Variants in XKR9 observed in about 807,000 individuals in gnomAD.
XKR9 encodes XK-related protein 9.
In XKR9, 32 loss-of-function variants were observed where a neutral mutation model predicts 32.0. That is an observed-to-expected ratio of 1.00 (90% CI 0.76 to 1.34). The LOEUF is 1.34. Among genes scored for constraint, XKR9 ranks in the 40% most tolerant of loss-of-function variants. The pLI is 0.00. For synonymous variants in XKR9, 168 were observed against 143.4 expected (o/e 1.17, Z -1.22); for missense variants, 546 against 429.7 (o/e 1.27, Z -2.39).
intron 2 of XKR9, among the ~76,000 whole-genome samples, chr8:70,678,828 A>C (rs915020509): frequency 2.0e-5 from 3 of 152,246 alleles, no homozygotes; most frequent in East Asian, 1.9e-4. Flanking sequence ...AAGTGATAAA[A>C]TGATAAGAAC....
the XKR9 span, among the ~76,000 whole-genome samples, chr8:71,027,456 T>C: frequency 1.0e-4 from 15 of 146,970 alleles, no homozygotes; most frequent in African/African-American, 3.5e-4. Flanking sequence ...TTTATATAAT[T>C]TTATATATAA....
the XKR9 span, among the ~76,000 whole-genome samples, chr8:70,929,759 A>G: frequency 8.5e-5 from 13 of 152,290 alleles, no homozygotes; most frequent in East Asian, 2.3e-3. Flanking sequence ...GATCTCGATG[A>G]CATCCTCTTC....
chr8:70,677,350 G>A (rs1818919671), intron 2 of XKR9, among the ~76,000 whole-genome samples: 1 of 151,996 alleles, frequency 6.6e-6, no homozygotes, highest in African/African-American at 2.4e-5. Flanking sequence ...GTTTCACCAT[G>A]TTGCCCAGGC....
At chr8:70,751,815 C>T (rs1807146071) in intron 2 of XKR9, among the ~76,000 whole-genome samples, 1 of 152,134 alleles carries the variant, frequency 6.6e-6, no homozygotes, top group Non-Finnish European at 1.5e-5. Flanking sequence ...CATCAGTTTC[C>T]CTTGTTCTCA....
At chr8:70,870,717 A>C in the XKR9 span, among the ~76,000 whole-genome samples, 1 of 152,208 alleles carries the variant, frequency 6.6e-6, no homozygotes, top group Non-Finnish European at 1.5e-5. Flanking sequence ...AGAATAATCC[A>C]AGAAAGTTCT....
chr8:70,744,547 A>G (rs756342978), intron 2 of XKR9, among the ~76,000 whole-genome samples: 1 of 152,166 alleles, frequency 6.6e-6, no homozygotes, highest in Non-Finnish European at 1.5e-5. Context: ...TTTTTGTGAA[A>G]CCATGCTATC....
the XKR9 span, among the ~76,000 whole-genome samples, chr8:71,055,497 T>A: frequency 6.6e-6 from 1 of 152,196 alleles, no homozygotes; most frequent in Non-Finnish European, 1.5e-5. Flanking sequence ...CTTGGGCTTC[T>A]AGGCATCAAG....
At chr8:71,031,263 G>A in the XKR9 span, among the ~76,000 whole-genome samples, 1 of 152,088 alleles carries the variant, frequency 6.6e-6, no homozygotes, top group African/African-American at 2.4e-5. Flanking sequence ...TTTTATAATA[G>A]TTCTAATTCC....
At chr8:70,987,063 C>T in the XKR9 span, among the ~76,000 whole-genome samples, 3 of 152,166 alleles carry the variant, frequency 2.0e-5, no homozygotes, top group Non-Finnish European at 4.4e-5. Flanking sequence ...GGGGAAACCA[C>T]CCCATGATTC....
the XKR9 span, among the ~76,000 whole-genome samples, chr8:70,808,888 A>C: frequency 6.6e-6 from 1 of 152,214 alleles, no homozygotes; most frequent in Non-Finnish European, 1.5e-5. Context: ...AGCCAAACAA[A>C]AGGCAGCAGA....
chr8:70,730,105 A>T (rs1806612864), intron 4 of XKR9, among the ~76,000 whole-genome samples: 1 of 152,300 alleles, frequency 6.6e-6, no homozygotes, highest in Non-Finnish European at 1.5e-5. Flanking sequence ...TAGTTTTCCA[A>T]ACAAGACCCA....
rs374759234 is a variant in XKR9 at position 70,681,055 on chromosome 8, C to T, written c.-4C>T. 15 of 1,600,166 alleles carry T rather than the reference C, an allele frequency of 9.4e-6. 1 individual carries two copies. The highest frequency in any genetic ancestry group is 2.2e-5 in the South Asian group (2 of 89,588). On this transcript the variant is annotated 5_prime_UTR_variant, in exon 3 of 5. Coordinates refer to ENST00000408926, the MANE Select transcript of XKR9 (RefSeq NM_001011720.2). ...TAGATAACGAAAAGCTATAGTCATT[C>T]GTAATGAAATATACTAAACAGAATT... is the stretch of plus-strand genomic sequence containing the variant.
the XKR9 span, among the ~76,000 whole-genome samples, chr8:70,802,438 C>T: frequency 6.6e-6 from 1 of 152,140 alleles, no homozygotes; most frequent in Non-Finnish European, 1.5e-5. Context: ...TTCAACTTGC[C>T]ACTCTATGCC....
chr8:70,947,952 A>G, the XKR9 span, among the ~76,000 whole-genome samples: 3 of 152,216 alleles, frequency 2.0e-5, no homozygotes, highest in African/African-American at 7.2e-5. Context: ...TGTGTCTGCT[A>G]AAGAGCATGG....
chr8:70,958,209 A>G, the XKR9 span, among the ~76,000 whole-genome samples: 15 of 152,174 alleles, frequency 9.9e-5, no homozygotes, highest in African/African-American at 3.4e-4. Context: ...TCCTTTGAGT[A>G]TATTCCCAAT....
the XKR9 span, among the ~76,000 whole-genome samples, chr8:71,009,299 A>G: frequency 2.0e-5 from 3 of 152,178 alleles, no homozygotes; most frequent in Admixed American, 2.0e-4. Context: ...TTAAAACATT[A>G]TAAGATTTGT....
chr8:70,933,301 C>T, the XKR9 span, among the ~76,000 whole-genome samples: 4 of 151,928 alleles, frequency 2.6e-5, no homozygotes, highest in African/African-American at 7.3e-5. Flanking sequence ...TCCTACACCA[C>T]GAGTGTTAGA....
At chr8:71,048,748 A>G in the XKR9 span, among the ~76,000 whole-genome samples, 1 of 152,350 alleles carries the variant, frequency 6.6e-6, no homozygotes, top group South Asian at 2.1e-4. Context: ...CTTTATTTAT[A>G]ATAAGTGAAT....
intron 2 of XKR9, among the ~76,000 whole-genome samples, chr8:70,773,413 A>G (rs1215020522): frequency 6.6e-6 from 1 of 152,214 alleles, no homozygotes; most frequent in Non-Finnish European, 1.5e-5. Flanking sequence ...GCATAGAGCA[A>G]CACAACTTTT....
Sources: gnomAD v4.1 joint callset for allele counts (sites outside exome capture counted in the v4.1 genomes callset) on GRCh38, gnomAD v4.1.1 for gene constraint, MANE v1.5 for transcripts, NCBI Gene and HGNC (gene_info 2026-07-23, HGNC 2026-07-21) for gene names.